Variants in SNTG1 observed in about 807,000 individuals in gnomAD.
SNTG1 encodes gamma-1-syntrophin.
SNTG1 carries 39 observed loss-of-function variants against 74.7 expected under a neutral mutation model. The ratio of observed to expected loss-of-function variants is 0.52; its 90% confidence interval spans 0.40 to 0.68. SNTG1 has a LOEUF of 0.68. Among genes scored for constraint, SNTG1 ranks in the 30% least tolerant of loss-of-function variants. SNTG1 has a pLI of 0.00. For missense variants in SNTG1, 685 were observed against 609.5 expected (o/e 1.12, Z -1.30); for synonymous variants, 254 against 217.1 (o/e 1.17, Z -1.49).
chr8:50,266,864 G>A (rs1228257830), intron 2 of SNTG1, among the ~76,000 whole-genome samples: 1 of 151,912 alleles, frequency 6.6e-6, no homozygotes, highest in Non-Finnish European at 1.5e-5. Context: ...AAGCATCAGT[G>A]ACTGGAAAAA....
intron 2 of SNTG1, among the ~76,000 whole-genome samples, chr8:50,232,436 T>A (rs1352799796): frequency 1.3e-5 from 2 of 151,394 alleles, no homozygotes; most frequent in African/African-American, 4.8e-5. Context: ...ATTCTGAACT[T>A]AATAAAGAGG....
intron 4 of SNTG1, among the ~76,000 whole-genome samples, chr8:50,421,051 G>GT (rs1563362890): frequency 0.2 from 4,731 of 23,180 alleles, 645 homozygotes; most frequent in Non-Finnish European, 0.3. Context: ...GTGGGCGGGG[G>GT]AGGGGGGGGC....
intron 13 of SNTG1, among the ~76,000 whole-genome samples, chr8:50,623,389 G>A (rs1176486853): frequency 6.6e-6 from 1 of 151,930 alleles, no homozygotes; most frequent in African/African-American, 2.4e-5. Flanking sequence ...GTCATAAAAG[G>A]GTGTTGAATT....
At chr8:50,078,061 TG>T (rs1822061822) in intron 1 of SNTG1, among the ~76,000 whole-genome samples, 1 of 152,288 alleles carries the variant, frequency 6.6e-6, no homozygotes, top group East Asian at 1.9e-4. Context: ...TTAATTGTCA[TG>T]TCATGTTTGT....
chr8:50,038,607 T>A (rs1203287295), intron 1 of SNTG1, among the ~76,000 whole-genome samples: 2 of 152,198 alleles, frequency 1.3e-5, no homozygotes, highest in African/African-American at 4.8e-5. Flanking sequence ...CCCCATTTGA[T>A]GTGAAGGGTA....
chr8:50,604,971 C>T (rs1236397959), intron 13 of SNTG1, among the ~76,000 whole-genome samples: 2 of 152,046 alleles, frequency 1.3e-5, no homozygotes, highest in Non-Finnish European at 2.9e-5. Context: ...ATGAATTGTC[C>T]CCAGACTGGG....
chr8:50,257,198 C>T (rs1374854557), intron 2 of SNTG1, among the ~76,000 whole-genome samples: 1 of 152,088 alleles, frequency 6.6e-6, no homozygotes, highest in Non-Finnish European at 1.5e-5. Flanking sequence ...TCCCACTGAA[C>T]ATACACTCGT....
chr8:50,540,098 A>C (rs1308537619), intron 11 of SNTG1, among the ~76,000 whole-genome samples: 1 of 152,152 alleles, frequency 6.6e-6, no homozygotes, highest in Non-Finnish European at 1.5e-5. Flanking sequence ...GGGGCTTCCC[A>C]TACTTTTGTC....
chr8:50,764,894 A>G (rs895628322), intron 18 of SNTG1, among the ~76,000 whole-genome samples: 2 of 152,042 alleles, frequency 1.3e-5, no homozygotes, highest in Non-Finnish European at 2.9e-5. Context: ...CCATCAACTG[A>G]TAAATGGATA....
chr8:50,163,306 T>C (rs994391429), intron 1 of SNTG1, among the ~76,000 whole-genome samples: 2 of 152,176 alleles, frequency 1.3e-5, no homozygotes, highest in Non-Finnish European at 2.9e-5. Context: ...CCATAACCTA[T>C]ATAACCTATT....
chr8:50,109,057 A>AGCCCT (rs2080485481), intron 1 of SNTG1, among the ~76,000 whole-genome samples: 1 of 152,196 alleles, frequency 6.6e-6, no homozygotes. Context: ...TTCTGGGTCC[A>AGCCCT]GCCCTGTGGG....
rs1219774516 is a variant in SNTG1 at position 50,314,572 on chromosome 8, A to G, written c.-27-79640A>G. Among the ~76,000 whole-genome samples the G allele has an allele frequency of 2.0e-5, 3 of 149,690 alleles. 1 individual carries two copies. Among genetic ancestry groups the G allele is most frequent in the African/African-American group, 7.5e-5 (3 of 40,118 alleles). The stretch of plus-strand genomic sequence containing the variant: ...AACCAGTCATCCATTTGAATAAAGT[A>G]TATTGGGAGGTATAGATGGAGATCT... On this transcript the variant is annotated intron_variant, in intron 2 of 18. Coordinates refer to ENST00000642720, the MANE Select transcript of SNTG1 (RefSeq NM_018967.5).
chr8:50,171,319 G>A (rs1285399520), intron 1 of SNTG1, among the ~76,000 whole-genome samples: 3 of 152,146 alleles, frequency 2.0e-5, no homozygotes, highest in African/African-American at 7.2e-5. Flanking sequence ...CCTGTCAACT[G>A]AGGAGCAAAG....
chr8:50,663,579 C>G (rs1480839846), intron 15 of SNTG1, among the ~76,000 whole-genome samples: 1 of 152,114 alleles, frequency 6.6e-6, no homozygotes, highest in African/African-American at 2.4e-5. Flanking sequence ...TGCTCTGATT[C>G]TAGCCTGAGC....
chr8:50,696,889 C>T (rs973234449), intron 15 of SNTG1, among the ~76,000 whole-genome samples: 2 of 151,872 alleles, frequency 1.3e-5, no homozygotes, highest in Admixed American at 1.3e-4. Context: ...ATGCCTCCAG[C>T]TTTGTTATTT....
At chr8:50,728,670 C>T (rs2095505761) in intron 17 of SNTG1, among the ~76,000 whole-genome samples, 1 of 152,156 alleles carries the variant, frequency 6.6e-6, no homozygotes, top group South Asian at 2.1e-4. Context: ...AGGTTGGGCT[C>T]ATGTGTGGCC....
At chr8:50,663,546 C>A in intron 15 of SNTG1, among the ~76,000 whole-genome samples, 1 of 152,080 alleles carries the variant, frequency 6.6e-6, no homozygotes, top group East Asian at 1.9e-4. Context: ...AGCCTTCTTG[C>A]ACCGCTCTGG....
chr8:50,492,878 A>G (rs1262615163), intron 8 of SNTG1, among the ~76,000 whole-genome samples: 4 of 152,150 alleles, frequency 2.6e-5, no homozygotes, highest in Non-Finnish European at 5.9e-5. Flanking sequence ...ATTACGTTTA[A>G]GTCTTTAATC....
chr8:50,340,318 AAG>A (rs2091282600), intron 2 of SNTG1, among the ~76,000 whole-genome samples: 1 of 151,990 alleles, frequency 6.6e-6, no homozygotes, highest in Non-Finnish European at 1.5e-5. Context: ...ATCTTATCTT[AAG>A]AGTTTCTATA....
Sources: gnomAD v4.1 joint callset for allele counts (sites outside exome capture counted in the v4.1 genomes callset) on GRCh38, gnomAD v4.1.1 for gene constraint, MANE v1.5 for transcripts, NCBI Gene and HGNC (gene_info 2026-07-23, HGNC 2026-07-21) for gene names.